MTCL1: variants seen among roughly 807,000 people sequenced by gnomAD.
MTCL1 encodes microtubule crosslinking factor 1, also known as microtubule cross-linking factor 1.
In MTCL1, 79 loss-of-function variants were observed where a neutral mutation model predicts 141.4. That is an observed-to-expected ratio of 0.56 (90% CI 0.47 to 0.67). The LOEUF (loss-of-function observed/expected upper bound fraction) is 0.67, where lower values mean the gene tolerates loss of function less well. MTCL1 is among the 30% of genes least tolerant of loss of function. MTCL1 has a pLI of 0.00. For missense variants in MTCL1, 2,177 were observed against 2,113.9 expected (o/e 1.03, Z -0.59); for synonymous variants, 914 against 875.8 (o/e 1.04, Z -0.77).
rs2096373359 is a variant in MTCL1, at chr18:8,751,869, G to A, written c.358-25964G>A. Among the ~76,000 whole-genome samples, 3 of 152,224 alleles carry A rather than the reference G, an allele frequency of 2.0e-5. No homozygotes were observed. The South Asian group carries it at 6.2e-4, about 31-fold the overall frequency. On this transcript the variant is annotated intron_variant, in intron 4 of 16. Transcript: ENST00000359865. ...GTTGTTTCATTGACCTGCACACGAG[G>A]TGTTGAAGACTTAGCTCAGGGCAGC...
At chr18:8,770,856 G>T (rs2096482644) in intron 4 of MTCL1, among the ~76,000 whole-genome samples, 1 of 152,146 alleles carries the variant, frequency 6.6e-6, no homozygotes, top group South Asian at 2.1e-4. Flanking sequence ...GGGTCCTGTT[G>T]TGTAATTCCA....
intron 9 of MTCL1, 89 bp downstream of exon 8, chr18:8,796,551 C>T (rs112076971): frequency 0.024 from 30,058 of 1,244,944 alleles, 451 homozygotes; most frequent in Middle Eastern, 0.031. Context: ...TACACACAGT[C>T]ATGTTCTATT....
At chr18:8,806,825 C>T (rs1272200380) in intron 10 of MTCL1, 68 bp from the exon 10 acceptor site, 1 of 1,327,328 alleles carries the variant, frequency 7.5e-7, no homozygotes, top group South Asian at 1.2e-5. Context: ...ATAGCCAGAT[C>T]CTCTCCTCTT....
intron 10 of MTCL1, among the ~76,000 whole-genome samples, chr18:8,803,159 TAA>T (rs34017267): frequency 1.3e-3 from 185 of 145,182 alleles, no homozygotes; most frequent in Admixed American, 1.7e-3. Flanking sequence ...AGGTAAAGTT[TAA>T]AAAAAAAAAA....
chr18:8,721,187 T>C (rs141994174), intron 4 of MTCL1, among the ~76,000 whole-genome samples: 47 of 152,382 alleles, frequency 3.1e-4, no homozygotes, highest in African/African-American at 1.1e-3. Flanking sequence ...GTCCTGCATG[T>C]GTTGAAATTA....
intron 4 of MTCL1, 27 bp downstream of exon 3, chr18:8,720,523 C>G (rs1335281610): frequency 6.2e-7 from 1 of 1,601,122 alleles, no homozygotes; most frequent in East Asian, 2.2e-5. Context: ...GGGGTCCTGC[C>G]CCCTTGGATT....
At chr18:8,814,905 G>T (rs532194731) in intron 12 of MTCL1, among the ~76,000 whole-genome samples, 5 of 152,318 alleles carry the variant, frequency 3.3e-5, no homozygotes, top group Non-Finnish European at 5.9e-5. Flanking sequence ...AGAATTTCTA[G>T]TAAAGGAAAA....
At chr18:8,808,246 CGGA>C (rs1214256756) in intron 11 of MTCL1, among the ~76,000 whole-genome samples, 1 of 152,064 alleles carries the variant, frequency 6.6e-6, no homozygotes, top group Non-Finnish European at 1.5e-5. Context: ...GCATCAGCAG[CGGA>C]GGAGAAATGA....
exon 17 of MTCL1, chr18:8,831,639 A>T: frequency 6.4e-7 from 1 of 1,550,532 alleles, no homozygotes; most frequent in Non-Finnish European, 8.7e-7. Flanking sequence ...CTCCATCCCT[A>T]GAGCCCTGCT....
chr18:8,754,873 T>C (rs1359709460), intron 4 of MTCL1, among the ~76,000 whole-genome samples: 1 of 152,172 alleles, frequency 6.6e-6, no homozygotes, highest in Non-Finnish European at 1.5e-5. Context: ...AGAACATAGC[T>C]TGCAGGTGGA....
exon 15 of MTCL1, chr18:8,825,196 G>A (rs770739540): frequency 1.3e-5 from 21 of 1,583,280 alleles, no homozygotes; most frequent in Non-Finnish European, 1.2e-5. Context: ...ACCAAGGGAG[G>A]CCCTCCAGAA....
intron 4 of MTCL1, among the ~76,000 whole-genome samples, chr18:8,726,644 GTCAGGGC>G (rs2096217266): frequency 6.6e-6 from 1 of 151,236 alleles, no homozygotes; most frequent in South Asian, 2.1e-4. Context: ...CACGCTGAGG[GTCAGGGC>G]TTCCACATAT....
intron 4 of MTCL1, among the ~76,000 whole-genome samples, chr18:8,771,584 C>A (rs954380587): frequency 2.0e-5 from 3 of 152,146 alleles, no homozygotes; most frequent in Non-Finnish European, 2.9e-5. Context: ...CTCTGACACA[C>A]TTTAGCAATT....
chr18:8,758,076 G>A (rs1158517666), intron 4 of MTCL1, among the ~76,000 whole-genome samples: 1 of 149,508 alleles, frequency 6.7e-6, no homozygotes, highest in East Asian at 2.0e-4. Flanking sequence ...GGGCTGGAGA[G>A]TGCAATGGCG....
chr18:8,785,808 G>A (rs982785887), intron 6 of MTCL1, 128 bp from the exon 6 acceptor site: 167 of 1,122,184 alleles, frequency 1.5e-4, no homozygotes, highest in Non-Finnish European at 1.8e-4. Context: ...TTTCTCAGTC[G>A]TCTCCCTTGT....
chr18:8,764,634 A>G (rs2096450784), intron 4 of MTCL1, among the ~76,000 whole-genome samples: 1 of 150,016 alleles, frequency 6.7e-6, no homozygotes, highest in African/African-American at 2.5e-5. Flanking sequence ...CCCGCCCCCC[A>G]CTTTTAAATA....
chr18:8,736,862 G>A (rs150526978), intron 4 of MTCL1, among the ~76,000 whole-genome samples: 4 of 152,104 alleles, frequency 2.6e-5, no homozygotes, highest in African/African-American at 9.6e-5. Context: ...GGATGGTCTC[G>A]ATCTCCTGAC....
chr18:8,731,114 G>A (rs543831819), intron 4 of MTCL1, among the ~76,000 whole-genome samples: 6 of 151,972 alleles, frequency 3.9e-5, no homozygotes, highest in Non-Finnish European at 5.9e-5. Context: ...CCGTGGTGGC[G>A]GGCGCCTGTA....
chr18:8,791,169 G>A (rs1463491680), intron 7 of MTCL1, among the ~76,000 whole-genome samples: 3 of 152,184 alleles, frequency 2.0e-5, no homozygotes, highest in African/African-American at 7.2e-5. Flanking sequence ...CAACATTGCA[G>A]GGAAAGAAAG....
Sources: gnomAD v4.1 joint callset for allele counts (sites outside exome capture counted in the v4.1 genomes callset) on GRCh38, gnomAD v4.1.1 for gene constraint, MANE v1.5 for transcripts, NCBI Gene and HGNC (gene_info 2026-07-23, HGNC 2026-07-21) for gene names.